Variants in C1QTNF7 observed in about 807,000 individuals in gnomAD.
The protein encoded by C1QTNF7 is C1q and TNF related 7.
Under a neutral mutation model 19.6 loss-of-function variants are expected in C1QTNF7, and 15 were observed. That is an observed-to-expected ratio of 0.76 (90% CI 0.51 to 1.18). The LOEUF (loss-of-function observed/expected upper bound fraction) is 1.18. Ranked by LOEUF, C1QTNF7 falls within the 50% of genes most tolerant of loss-of-function variation. C1QTNF7 has a pLI of 0.00. For synonymous variants in C1QTNF7, 142 were observed against 137.5 expected, an observed-to-expected ratio of 1.03 and a Z score of -0.23; for missense variants, 324 against 359.7, an observed-to-expected ratio of 0.90 and a Z score of 0.80.
intron 1 of C1QTNF7, among the ~76,000 whole-genome samples, chr4:15,376,267 C>T (rs759909352): frequency 3.9e-5 from 6 of 152,310 alleles, no homozygotes; most frequent in South Asian, 2.1e-4. Context: ...GACTGCGTAA[C>T]GAAATAGAAG....
intron 1 of C1QTNF7, among the ~76,000 whole-genome samples, chr4:15,420,711 T>A (rs1387416427): frequency 1.3e-5 from 2 of 152,034 alleles, no homozygotes; most frequent in Non-Finnish European, 2.9e-5. Flanking sequence ...TGGACAATGA[T>A]GACTTTGTCC....
intron 1 of C1QTNF7, among the ~76,000 whole-genome samples, chr4:15,434,287 C>T (rs1443304804): frequency 6.6e-6 from 1 of 152,096 alleles, no homozygotes; most frequent in Non-Finnish European, 1.5e-5. Context: ...TTCAAAATCA[C>T]ATGTGCACAC....
At chr4:15,369,843 A>G (rs1381416296) in intron 1 of C1QTNF7, among the ~76,000 whole-genome samples, 1 of 152,214 alleles carries the variant, frequency 6.6e-6, no homozygotes, top group African/African-American at 2.4e-5. Context: ...AAGACTTCAA[A>G]TGTGAGATAA....
chr4:15,432,364 G>A (rs775520261), intron 1 of C1QTNF7, among the ~76,000 whole-genome samples: 1 of 152,112 alleles, frequency 6.6e-6, no homozygotes, highest in Non-Finnish European at 1.5e-5. Context: ...CGTGCCACTA[G>A]CATGCATCAG....
At chr4:15,368,740 G>T (rs553089182) in intron 1 of C1QTNF7, among the ~76,000 whole-genome samples, 1 of 152,138 alleles carries the variant, frequency 6.6e-6, no homozygotes, top group Non-Finnish European at 1.5e-5. Flanking sequence ...GAATAGTGCC[G>T]CAATAAACAT....
chr4:15,388,535 G>A (rs1718428632), intron 1 of C1QTNF7, among the ~76,000 whole-genome samples: 1 of 152,140 alleles, frequency 6.6e-6, no homozygotes, highest in Non-Finnish European at 1.5e-5. Flanking sequence ...ATGGGATTTG[G>A]GATACACATG....
intron 1 of C1QTNF7, among the ~76,000 whole-genome samples, chr4:15,390,809 C>T (rs567046693): frequency 7.0e-4 from 107 of 152,104 alleles, no homozygotes; most frequent in African/African-American, 2.5e-3. Context: ...ATCAAAACTC[C>T]CAATAACGTT....
At chr4:15,345,544 T>C (rs530731206) in intron 1 of C1QTNF7, among the ~76,000 whole-genome samples, 1 of 152,326 alleles carries the variant, frequency 6.6e-6, no homozygotes, top group African/African-American at 2.4e-5. Context: ...AAGCAAGTGT[T>C]GTTTTCAATA....
chr4:15,428,745 T>C (rs1349178441), intron 1 of C1QTNF7, among the ~76,000 whole-genome samples: 1 of 152,130 alleles, frequency 6.6e-6, no homozygotes, highest in Non-Finnish European at 1.5e-5. Context: ...CAGGTCTCCA[T>C]CCTGTCCCAA....
chr4:15,377,660 G>T (rs1359909389), intron 1 of C1QTNF7, among the ~76,000 whole-genome samples: 1 of 152,178 alleles, frequency 6.6e-6, no homozygotes, highest in Non-Finnish European at 1.5e-5. Flanking sequence ...GGGAACTTTA[G>T]ATGCCTGGGA....
intron 1 of C1QTNF7, among the ~76,000 whole-genome samples, chr4:15,377,377 A>T (rs1717980149): frequency 1.3e-5 from 2 of 152,124 alleles, no homozygotes; most frequent in African/African-American, 2.4e-5. Context: ...CTTTGATTGC[A>T]TCAGGTTTCA....
chr4:15,383,416 C>G lies in C1QTNF7; in HGVS notation c.13+43209C>G, dbSNP rs1029595898. On this transcript the variant is annotated intron_variant, in intron 1 of 2. Transcript: ENST00000295297. ...AGAAATGCCCTCCTGAAAAATTTTC[C>G]TGGAAGCATTCCTTTCAGTATCTGA... 1.2e-4 allele frequency among the ~76,000 whole-genome samples: 18 copies of G among 152,144 alleles called. No homozygotes were observed. The East Asian group carries it at 3.3e-3, about 28-fold the overall frequency.
At chr4:15,395,438 T>C (rs1219869640) in intron 1 of C1QTNF7, among the ~76,000 whole-genome samples, 1 of 152,206 alleles carries the variant, frequency 6.6e-6, no homozygotes, top group Non-Finnish European at 1.5e-5. Flanking sequence ...CCCAGTCAAA[T>C]GCCAGAGCAT....
chr4:15,360,608 A>T (rs926323712), intron 1 of C1QTNF7, among the ~76,000 whole-genome samples: 1 of 152,138 alleles, frequency 6.6e-6, no homozygotes, highest in Non-Finnish European at 1.5e-5. Flanking sequence ...AAAATCACCA[A>T]CAAAAAGTAC....
chr4:15,394,287 C>G (rs1718695844), intron 1 of C1QTNF7, among the ~76,000 whole-genome samples: 1 of 152,230 alleles, frequency 6.6e-6, no homozygotes, highest in African/African-American at 2.4e-5. Flanking sequence ...GCTTTGCCAG[C>G]CTTCTACATG....
chr4:15,416,500 A>T (rs1368132435), intron 1 of C1QTNF7, among the ~76,000 whole-genome samples: 1 of 152,164 alleles, frequency 6.6e-6, no homozygotes, highest in African/African-American at 2.4e-5. Context: ...CCATGCTGAC[A>T]CGTGCACAGT....
chr4:15,380,489 C>T (rs1718095732), intron 1 of C1QTNF7, among the ~76,000 whole-genome samples: 1 of 152,174 alleles, frequency 6.6e-6, no homozygotes, highest in African/African-American at 2.4e-5. Flanking sequence ...TTTTCCTTGT[C>T]AAACTTTGCC....
rs1385985890 is a variant in C1QTNF7 at position 15,442,528 on chromosome 4, C to T, written c.599C>T (p.Thr200Ile). ...ATCTATTACTTTTCTTATGATATCA[C>T]ATTGGCTAATAAGCATCTGGCAATC... is the stretch of plus-strand genomic sequence containing the variant. ...PGIYYFSYDI[T>I]LANKHLAIGL... The change falls in exon 3 of 3, where the codon ACA becomes ATA. Residue 200 changes from threonine (T) to isoleucine (I), a missense_variant. Thr to Ile is a moderately conservative substitution (Grantham distance 89). Transcript: ENST00000444304. The T allele has an allele frequency of 1.9e-6, 3 of 1,614,216 alleles. No individual in the cohort carries two copies. Among genetic ancestry groups the T allele is most frequent in the South Asian group, 1.1e-5 (1 of 91,086 alleles).
chr4:15,402,255 GT>G (rs1441558281), intron 1 of C1QTNF7, among the ~76,000 whole-genome samples: 1 of 152,282 alleles, frequency 6.6e-6, no homozygotes, highest in East Asian at 1.9e-4. Flanking sequence ...GACCCAAGAG[GT>G]TTTTTTCTTT....
Sources: allele counts gnomAD v4.1 joint callset (sites outside exome capture counted in the v4.1 genomes callset), GRCh38; gene constraint gnomAD v4.1.1; transcripts MANE v1.5; gene names NCBI Gene and HGNC (gene_info 2026-07-23, HGNC 2026-07-21).